The following LRRC4C variants were observed in gnomAD, a reference collection of about 807,000 sequenced individuals.
LRRC4C encodes leucine rich repeat containing 4C, also known as leucine-rich repeat-containing protein 4C.
A neutral mutation model predicts 33.6 loss-of-function variants in LRRC4C; 5 were observed. The observed-to-expected ratio is 0.15, with a 90% CI of 0.08 to 0.31. The LOEUF (loss-of-function observed/expected upper bound fraction) is 0.31. LRRC4C is among the 10% of genes least tolerant of loss of function. The pLI is 1.00. For synonymous variants in LRRC4C, 329 were observed against 302.0 expected (o/e 1.09, Z -0.93); for missense variants, 560 against 796.7 (o/e 0.70, Z 3.58).
chr11:41,022,161 T>TAC lies in LRRC4C; in HGVS notation c.-495-88439_-495-88438insGT, dbSNP rs1173520770. ...TTTGTTTTATATATATATATATATA[T>TAC]ATATGTATATATCTACTGACAGCAA... On this transcript the variant is annotated intron_variant, in intron 1 of 6. Transcript: ENST00000528697. Among the ~76,000 whole-genome samples, 5 of 147,838 alleles carry TAC rather than the reference T, an allele frequency of 3.4e-5. No homozygotes were observed. In the East Asian group the frequency reaches 9.9e-4, roughly 29 times the overall value.
intron 3 of LRRC4C, among the ~76,000 whole-genome samples, chr11:40,531,077 T>C (rs1487092015): frequency 6.6e-6 from 1 of 152,128 alleles, no homozygotes; most frequent in African/African-American, 2.4e-5. Context: ...TGGGTGACTT[T>C]AATGTGTGTA....
intron 1 of LRRC4C, among the ~76,000 whole-genome samples, chr11:41,285,319 CA>C (rs1949790981): frequency 6.6e-6 from 1 of 152,086 alleles, no homozygotes. Context: ...CTGGGTAAAA[CA>C]AAAACTTCAA....
intron 1 of LRRC4C, among the ~76,000 whole-genome samples, 183 bp from the exon 2 acceptor site, chr11:40,933,906 C>A (rs571753671): frequency 6.6e-6 from 1 of 152,180 alleles, no homozygotes; most frequent in South Asian, 2.1e-4. Context: ...TGAGGCTTTT[C>A]CCAGAATATA....
At chr11:41,422,165 C>T (rs564522666) in intron 1 of LRRC4C, among the ~76,000 whole-genome samples, 15 of 152,020 alleles carry the variant, frequency 9.9e-5, no homozygotes, top group Admixed American at 2.0e-4. Flanking sequence ...TAATTGCTGC[C>T]TATTGTCATT....
At chr11:40,624,560 G>T (rs1962754577) in intron 3 of LRRC4C, among the ~76,000 whole-genome samples, 1 of 152,094 alleles carries the variant, frequency 6.6e-6, no homozygotes. Context: ...TCTCCAGTGT[G>T]GCTCTCAGAA....
rs528107418 is a variant in LRRC4C at position 41,073,916 on chromosome 11, A to G, written c.-495-140193T>C. 3.7e-4 allele frequency among the ~76,000 whole-genome samples: 57 copies of G among 152,324 alleles called. 1 individual carries two copies. The South Asian group carries it at 7.5e-3, about 20-fold the overall frequency. On this transcript the variant is annotated intron_variant, in intron 1 of 6. Coordinates refer to ENST00000528697, the MANE Select transcript of LRRC4C (RefSeq NM_001258419.2). ...ATAAGCAGTCCTTTTTCCAACATAC[A>G]TAATCACAGTAAATGAGATCCATGA...
At chr11:41,151,541 T>C (rs1011117443) in intron 1 of LRRC4C, among the ~76,000 whole-genome samples, 2 of 152,272 alleles carry the variant, frequency 1.3e-5, no homozygotes, top group Middle Eastern at 6.8e-3. Flanking sequence ...AGCAAACTTG[T>C]GAGAGAACAT....
intron 3 of LRRC4C, among the ~76,000 whole-genome samples, chr11:40,587,367 G>T (rs1036459879): frequency 6.9e-6 from 1 of 145,244 alleles, no homozygotes; most frequent in African/African-American, 2.6e-5. Flanking sequence ...AGCTTAAGGA[G>T]ATTTTGGGCT....
chr11:40,771,275 T>G (rs1184964472), intron 2 of LRRC4C, among the ~76,000 whole-genome samples: 1 of 152,146 alleles, frequency 6.6e-6, no homozygotes, highest in Non-Finnish European at 1.5e-5. Flanking sequence ...TTGCACCCTG[T>G]GAAGCAATGG....
rs1485297513 is a variant in LRRC4C, at chr11:41,325,574, TTTTTGTGTG to T, written c.-496+133848_-496+133856del. Among the ~76,000 whole-genome samples the T allele has an allele frequency of 7.2e-4, 72 of 99,982 alleles. 2 individuals carry two copies. The highest frequency in any genetic ancestry group is 2.1e-3 in the African/African-American group (63 of 30,470). The allele number at this position is 99,982 out of a possible 152,430, so 65.6% of individuals were successfully genotyped here. On this transcript the variant is annotated intron_variant, in intron 1 of 6. Coordinates refer to ENST00000528697, the MANE Select transcript of LRRC4C (RefSeq NM_001258419.2). ...AAATTATTGTCCTTATAGTTTTTTT[TTTTTGTGTG>T]TGTGTGTGTGTGTGTGTGTGTGTGT...
intron 1 of LRRC4C, among the ~76,000 whole-genome samples, chr11:41,235,355 G>A (rs539265643): frequency 6.6e-6 from 1 of 152,052 alleles, no homozygotes; most frequent in Non-Finnish European, 1.5e-5. Flanking sequence ...TAGTTACTTT[G>A]ATCTATATTA....
intron 3 of LRRC4C, among the ~76,000 whole-genome samples, chr11:40,338,530 G>T (rs186690624): frequency 6.6e-6 from 1 of 152,122 alleles, no homozygotes; most frequent in Non-Finnish European, 1.5e-5. Context: ...GTTTTAATCT[G>T]ATATGATCTA....
chr11:40,691,778 T>A (rs1487695867), intron 2 of LRRC4C, among the ~76,000 whole-genome samples: 1 of 152,170 alleles, frequency 6.6e-6, no homozygotes, highest in Admixed American at 6.6e-5. Context: ...TACTTTGTTA[T>A]GCAGACTCTT....
Position 40,115,764 on chromosome 11 carries a change from G to C in LRRC4C, c.529C>G (p.Leu177Val), listed in dbSNP as rs368452298. 6.2e-7 allele frequency: 1 copy of C among 1,614,170 alleles called. No individual in the cohort carries two copies. The highest frequency in any genetic ancestry group is 2.2e-5 in the East Asian group (1 of 44,874). ...AGTCTTTTCAATTCCCCTAAGTCTA[G>C]TCGGCGCAAAGAAGGAATTCTGTTA... ...AFNRIPSLRR[L>V]DLGELKRLSY... The change falls in exon 7 of 7, where the codon CTA becomes GTA. Residue 177 changes from leucine to valine, a missense_variant. Leu to Val is a conservative substitution (Grantham distance 32). Transcript: ENST00000528697. This position sits in a 1 kb window ranked among gnomAD's most constrained non-coding sequence, Gnocchi z 6.7.
chr11:40,664,464 G>A (rs933918976), intron 2 of LRRC4C, among the ~76,000 whole-genome samples: 5 of 152,084 alleles, frequency 3.3e-5, no homozygotes, highest in Non-Finnish European at 7.4e-5. Flanking sequence ...AGAATCGCTT[G>A]AACCCGATGG....
chr11:40,818,654 T>C (rs554628644), intron 2 of LRRC4C, among the ~76,000 whole-genome samples: 1 of 152,198 alleles, frequency 6.6e-6, no homozygotes, highest in East Asian at 1.9e-4. Flanking sequence ...ACCAATATTC[T>C]ATGCCTTCTC....
In LRRC4C at chr11:40,115,090, C is replaced by A; in HGVS notation, c.1203G>T (p.Val401=). Residue 401 remains valine, a synonymous_variant, in exon 7 of 7, where the codon GTG becomes GTT. Coordinates refer to ENST00000528697, the MANE Select transcript of LRRC4C (RefSeq NM_001258419.2). The surrounding 1 kb of genome is among the most constrained non-coding windows in gnomAD (Gnocchi z 6.7). The stretch of plus-strand genomic sequence containing the variant: ...TACCATCACTGAGCACAGCTATCCG[C>A]ACTTTGTACGCCCCATGTGTCATGA... ...GTVMTHGAYK[V]RIAVLSDGTL... 6.2e-7 allele frequency: 1 copy of A among 1,614,212 alleles called. No individual in the cohort carries two copies. The highest frequency in any genetic ancestry group is 8.5e-7 in the Non-Finnish European group (1 of 1,180,032).
intron 2 of LRRC4C, among the ~76,000 whole-genome samples, chr11:40,682,217 C>T (rs1944724572): frequency 1.3e-5 from 2 of 151,572 alleles, no homozygotes; most frequent in Admixed American, 1.3e-4. Context: ...CTGCAGTGAG[C>T]CATGATTGCA....
At chr11:40,670,022 G>A (rs1348476665) in intron 2 of LRRC4C, among the ~76,000 whole-genome samples, 1 of 151,968 alleles carries the variant, frequency 6.6e-6, no homozygotes, top group Non-Finnish European at 1.5e-5. Flanking sequence ...TTTATTTTTT[G>A]CCAAGAGCAA....
Sources: allele counts gnomAD v4.1 joint callset (sites outside exome capture counted in the v4.1 genomes callset), GRCh38; gene constraint gnomAD v4.1.1; non-coding constraint Gnocchi (gnomAD v3.1); transcripts MANE v1.5; gene names NCBI Gene and HGNC (gene_info 2026-07-23, HGNC 2026-07-21).